GLIS3: variants seen among roughly 807,000 people sequenced by gnomAD.
The protein encoded by GLIS3 is zinc finger protein GLIS3.
In GLIS3, 53 loss-of-function variants were observed where a neutral mutation model predicts 78.6. The observed-to-expected ratio is 0.67, with a 90% CI of 0.54 to 0.85. The LOEUF (loss-of-function observed/expected upper bound fraction) is 0.85. Among genes scored for constraint, GLIS3 ranks in the 40% least tolerant of loss-of-function variants. The pLI, the probability that GLIS3 is intolerant of heterozygous loss-of-function variation, is 0.00. For missense variants in GLIS3, 1,703 were observed against 1,231.1 expected, an observed-to-expected ratio of 1.38 and a Z score of -5.74; for synonymous variants, 684 against 509.9, an observed-to-expected ratio of 1.34 and a Z score of -4.60.
chr9:4,245,769 G>A (rs931324938), intron 2 of GLIS3, among the ~76,000 whole-genome samples: 1 of 152,102 alleles, frequency 6.6e-6, no homozygotes, highest in East Asian at 1.9e-4. Flanking sequence ...TAAATATGTA[G>A]TTACTATGTG....
At chr9:3,828,491 A>T in intron 10 of GLIS3, 83 bp from the exon 11 acceptor site, 1 of 1,562,040 alleles carries the variant, frequency 6.4e-7, no homozygotes, top group Non-Finnish European at 8.7e-7. Context: ...AATGCAGCTC[A>T]CCAAGTGAGG....
intron 2 of GLIS3, among the ~76,000 whole-genome samples, chr9:4,195,159 G>C (rs1818694975): frequency 1.3e-5 from 2 of 152,230 alleles, no homozygotes; most frequent in African/African-American, 2.4e-5. Context: ...GCCTTTGCTT[G>C]CTCTCAGCGC....
At chr9:3,955,198 G>C (rs1046376325) in intron 4 of GLIS3, among the ~76,000 whole-genome samples, 2 of 152,154 alleles carry the variant, frequency 1.3e-5, no homozygotes, top group Admixed American at 1.3e-4. Context: ...AGGGAAGATG[G>C]CCCGCATGAG....
intron 4 of GLIS3, among the ~76,000 whole-genome samples, chr9:3,981,599 G>C (rs1466084341): frequency 6.6e-6 from 1 of 152,136 alleles, no homozygotes; most frequent in African/African-American, 2.4e-5. Flanking sequence ...TACTGAGAAT[G>C]TCCCATGCCA....
At chr9:4,104,085 A>G (rs1011970770) in intron 4 of GLIS3, among the ~76,000 whole-genome samples, 5 of 152,172 alleles carry the variant, frequency 3.3e-5, no homozygotes, top group Non-Finnish European at 4.4e-5. Flanking sequence ...ACTTTAAATT[A>G]GGTAAGTCAG....
upstream of GLIS3, among the ~76,000 whole-genome samples, chr9:4,301,764 A>C (rs1817083518): frequency 6.6e-6 from 1 of 152,230 alleles, no homozygotes; most frequent in Admixed American, 6.5e-5. Context: ...GGAACAGCTT[A>C]GCTGGAAGAG....
intron 2 of GLIS3, among the ~76,000 whole-genome samples, chr9:4,320,964 C>A (rs530011272): frequency 6.6e-6 from 1 of 151,958 alleles, no homozygotes; most frequent in Non-Finnish European, 1.5e-5. Context: ...CCACAGCTCT[C>A]GAGATACAAA....
At chr9:4,450,164 G>C in the GLIS3 span, among the ~76,000 whole-genome samples, 1 of 152,118 alleles carries the variant, frequency 6.6e-6, no homozygotes, top group Admixed American at 6.5e-5. Context: ...TGACCTGATG[G>C]AGCTGAAAAT....
the GLIS3 span, among the ~76,000 whole-genome samples, chr9:4,432,242 T>C: frequency 3.1e-4 from 47 of 152,330 alleles, no homozygotes; most frequent in African/African-American, 1.1e-3. Flanking sequence ...ATGACAACTG[T>C]CATCATTTTT....
At chr9:4,205,551 A>G (rs2131279986) in intron 2 of GLIS3, among the ~76,000 whole-genome samples, 1 of 152,304 alleles carries the variant, frequency 6.6e-6, no homozygotes, top group South Asian at 2.1e-4. Context: ...GCTATAAGAG[A>G]GGAAAGTCTA....
chr9:4,205,769 C>G (rs1487104153), intron 2 of GLIS3, among the ~76,000 whole-genome samples: 1 of 152,140 alleles, frequency 6.6e-6, no homozygotes, highest in Non-Finnish European at 1.5e-5. Context: ...ACTGTTCCAA[C>G]AAGACAAGAC....
chr9:4,409,725 T>C, the GLIS3 span, among the ~76,000 whole-genome samples: 2 of 152,040 alleles, frequency 1.3e-5, no homozygotes, highest in Non-Finnish European at 2.9e-5. Flanking sequence ...AAGGAACAAA[T>C]GATAAATCAC....
chr9:4,372,875 A>T, the GLIS3 span, among the ~76,000 whole-genome samples: 1 of 152,018 alleles, frequency 6.6e-6, no homozygotes, highest in Admixed American at 6.6e-5. Flanking sequence ...AATGATAGGG[A>T]CTCCACCATT....
upstream of GLIS3, among the ~76,000 whole-genome samples, chr9:4,349,093 T>C (rs1317772533): frequency 6.6e-6 from 1 of 152,200 alleles, no homozygotes; most frequent in Non-Finnish European, 1.5e-5. Context: ...AATGCAACAC[T>C]ACTCCTTATC....
At chr9:4,368,541 C>T in the GLIS3 span, among the ~76,000 whole-genome samples, 5 of 152,092 alleles carry the variant, frequency 3.3e-5, no homozygotes, top group African/African-American at 4.8e-5. Flanking sequence ...TTACTAGAGA[C>T]GGGGTTTCAC....
the GLIS3 span, among the ~76,000 whole-genome samples, chr9:4,472,035 T>G: frequency 1.3e-5 from 2 of 152,148 alleles, no homozygotes; most frequent in East Asian, 3.8e-4. Flanking sequence ...ATCAGAGAAA[T>G]GCAAATCAAA....
chr9:4,220,043 A>T (rs1020581420), intron 2 of GLIS3, among the ~76,000 whole-genome samples: 1 of 152,232 alleles, frequency 6.6e-6, no homozygotes. Context: ...GAATTGATCA[A>T]AGAATAATAA....
the GLIS3 span, among the ~76,000 whole-genome samples, chr9:4,476,875 G>A: frequency 6.6e-6 from 1 of 152,104 alleles, no homozygotes; most frequent in African/African-American, 2.4e-5. Context: ...TAGAATAGCT[G>A]TTTTTAGACA....
At chr9:4,073,138 C>T (rs899515625) in intron 4 of GLIS3, among the ~76,000 whole-genome samples, 9 of 152,070 alleles carry the variant, frequency 5.9e-5, no homozygotes, top group Admixed American at 1.3e-4. Context: ...TTGAGTTGCA[C>T]GCCTGTTCCT....
Sources: allele counts gnomAD v4.1 joint callset (sites outside exome capture counted in the v4.1 genomes callset), GRCh38; gene constraint gnomAD v4.1.1; transcripts MANE v1.5; gene names NCBI Gene and HGNC (gene_info 2026-07-23, HGNC 2026-07-21).